AADAC: variants seen among roughly 807,000 people sequenced by gnomAD.
The protein encoded by AADAC is arylacetamide deacetylase (esterase).
Under a neutral mutation model 22.7 loss-of-function variants are expected in AADAC, and 17 were observed. That is an observed-to-expected ratio of 0.75 (90% CI 0.51 to 1.12). The LOEUF is 1.12. AADAC is among the 50% of genes most tolerant of loss of function. AADAC has a pLI of 0.00. For synonymous variants in AADAC, 167 were observed against 176.3 expected (o/e 0.95, Z 0.42); for missense variants, 465 against 473.9 (o/e 0.98, Z 0.17).
intron 3 of AADAC, among the ~76,000 whole-genome samples, chr3:151,823,291 A>G (rs1716332127): frequency 1.3e-5 from 2 of 152,028 alleles, no homozygotes; most frequent in Admixed American, 6.6e-5. Context: ...GCAAAAAAAA[A>G]AAATTAAGAA....
intron 2 of AADAC, among the ~76,000 whole-genome samples, chr3:151,819,969 G>A (rs1157791926): frequency 6.6e-6 from 1 of 151,980 alleles, no homozygotes; most frequent in African/African-American, 2.4e-5. Context: ...CAACAATTCT[G>A]TCTATATCTC....
chr3:151,817,587 T>A lies in AADAC; in HGVS notation c.360T>A (p.Ala120=). 1 of 1,612,570 alleles carries A rather than the reference T, an allele frequency of 6.2e-7. No homozygotes were observed. The highest frequency in any genetic ancestry group is 8.5e-7 in the Non-Finnish European group (1 of 1,178,852). The change falls in exon 2 of 5, where the codon GCT becomes GCA. Residue 120 remains alanine, a splice_region_variant and synonymous_variant. Coordinates refer to ENST00000232892, the MANE Select transcript of AADAC (RefSeq NM_001086.3). ...IHGGGWCVGS[A]ALSGYDLLSR... ...GTGGAGGCTGGTGCGTGGGAAGTGCTGGTAAGTGAATGCTTTGAAAAATCT... is the reference window on the plus strand; with the variant it reads ...GTGGAGGCTGGTGCGTGGGAAGTGCAGGTAAGTGAATGCTTTGAAAAATCT...
chr3:151,820,057 CAG>C (rs1354829846), intron 2 of AADAC, among the ~76,000 whole-genome samples: 2 of 152,000 alleles, frequency 1.3e-5, no homozygotes, highest in African/African-American at 4.8e-5. Flanking sequence ...TCATCTAAAA[CAG>C]AGCCAAATCA....
rs925601026 is a variant in AADAC, at chr3:151,820,391, G to A, written c.370G>A (p.Gly124Ser). 2.5e-6 allele frequency: 4 copies of A among 1,582,824 alleles called. No homozygotes were observed. The highest frequency in any genetic ancestry group is 3.4e-6 in the Non-Finnish European group (4 of 1,161,808). The change falls in exon 3 of 5, where the codon GGT (glycine) becomes AGT (serine). Residue 124 changes from glycine (G) to serine (S), a missense_variant. By Grantham distance (56) the Gly-to-Ser change is moderately conservative. Coordinates refer to ENST00000232892, the MANE Select transcript of AADAC (RefSeq NM_001086.3). ...GWCVGSAALS[G>S]YDLLSRWTAD... ...TTATCCTTTTATTTCAGCTCTAAGT[G>A]GTTATGACTTGCTGTCAAGATGGAC...
chr3:151,814,195 G>A lies in AADAC; in HGVS notation c.33G>A (p.Val11=). 1 of 1,613,346 alleles carries A rather than the reference G, an allele frequency of 6.2e-7. No homozygotes were observed. Among genetic ancestry groups the A allele is most frequent in the South Asian group, 1.1e-5 (1 of 91,070 alleles). Residue 11 remains valine (V), a synonymous_variant, in exon 1 of 5, where the codon GTG becomes GTA. Coordinates refer to ENST00000232892, the MANE Select transcript of AADAC (RefSeq NM_001086.3). ...GAAAATCGCTGTACCTTCTGATTGT[G>A]GGGATCCTCATAGCATATTATATTT... MGRKSLYLLI[V]GILIAYYIYT...
rs574846799 is a variant in AADAC at position 151,826,172 on chromosome 3, T to C, written c.603+1338T>C. Among the ~76,000 whole-genome samples, 8 of 152,142 alleles carry C rather than the reference T, an allele frequency of 5.3e-5. No individual in the cohort carries two copies. The East Asian group carries it at 1.3e-3, about 26-fold the overall frequency. ...TATTCTCAAAAGTAAAGAATCATAGTTGCACTTTGTTTCAACCACAATATA... is the reference window on the plus strand; with the variant it reads ...TATTCTCAAAAGTAAAGAATCATAGCTGCACTTTGTTTCAACCACAATATA... On this transcript the variant is annotated intron_variant, in intron 4 of 4. Transcript: ENST00000232892.
intron 4 of AADAC, 143 bp from the exon 5 acceptor site, chr3:151,827,433 G>A: frequency 2.0e-6 from 1 of 498,334 alleles, no homozygotes; most frequent in Non-Finnish European, 3.3e-6. Context: ...GTGGTGGTAT[G>A]TTTCATTTAT....
intron 4 of AADAC, among the ~76,000 whole-genome samples, chr3:151,827,344 A>G (rs893579963): frequency 6.6e-6 from 1 of 152,020 alleles, no homozygotes; most frequent in Admixed American, 6.6e-5. Context: ...AGCATATATG[A>G]CAGATGATTT....
At position 151,827,064 on chromosome 3, in the gene AADAC, G is replaced by GTCATTGAA. The variant is rs1716526205; in HGVS notation, c.604-511_604-510insCATTGAAT. 2.6e-5 allele frequency among the ~76,000 whole-genome samples: 4 copies of GTCATTGAA among 151,862 alleles called. No individual in the cohort carries two copies. In the South Asian group the frequency reaches 8.3e-4, roughly 32 times the overall value. On this transcript the variant is annotated intron_variant, in intron 4 of 4. Coordinates refer to ENST00000232892, the MANE Select transcript of AADAC (RefSeq NM_001086.3). ...TGAGTAGCTTCAATGACAGGTGTGC[G>GTCATTGAA]TTACCATACCTGGCTAATTTTTGTA...
chr3:151,816,885 A>G (rs545002724), intron 1 of AADAC, among the ~76,000 whole-genome samples: 1 of 152,076 alleles, frequency 6.6e-6, no homozygotes, highest in South Asian at 2.1e-4. Context: ...GTCTTGTTAT[A>G]TAGATGGATC....
chr3:151,819,450 T>G (rs115180336), intron 2 of AADAC, among the ~76,000 whole-genome samples: 9,761 of 151,680 alleles, frequency 0.064, 506 homozygotes, highest in Non-Finnish European at 0.093. Flanking sequence ...AAGCAAAAAG[T>G]GAGAGGGAAG....
chr3:151,819,576 G>A (rs3772440), intron 2 of AADAC, among the ~76,000 whole-genome samples: 90,481 of 151,184 alleles, frequency 0.6, 27,520 homozygotes, highest in Non-Finnish European at 0.64. Flanking sequence ...TTTTATTTTT[G>A]TGCAGGAGAA....
At position 151,826,493 on chromosome 3, in the gene AADAC, A is replaced by G. The variant is rs531308085; in HGVS notation, c.604-1083A>G. 7.2e-4 allele frequency among the ~76,000 whole-genome samples: 109 copies of G among 152,096 alleles called. 3 individuals are homozygous for G. The highest frequency in any genetic ancestry group is 2.5e-3 in the African/African-American group (103 of 41,558). Reference sequence around the variant, plus strand: ...CACAATGGTCTATTTTGATAATTATAGTTAAAATGTGGATAAATACTACAA... The same window carrying G: ...CACAATGGTCTATTTTGATAATTATGGTTAAAATGTGGATAAATACTACAA... On this transcript the variant is annotated intron_variant, in intron 4 of 4. Coordinates refer to ENST00000232892, the MANE Select transcript of AADAC (RefSeq NM_001086.3).
chr3:151,820,581 G>C (rs1716206926), intron 3 of AADAC, 129 bp downstream of exon 3: 1 of 478,842 alleles, frequency 2.1e-6, no homozygotes, highest in South Asian at 5.3e-5. Flanking sequence ...GCAGTGGCAG[G>C]ATCTCGGCTC....
At chr3:151,817,993 C>G (rs1466687827) in intron 2 of AADAC, among the ~76,000 whole-genome samples, 2 of 151,968 alleles carry the variant, frequency 1.3e-5, no homozygotes, top group Non-Finnish European at 2.9e-5. Flanking sequence ...AATCCCAGCA[C>G]TTTGGGAGGC....
Position 151,827,759 on chromosome 3 carries a change from G to C in AADAC, c.787G>C (p.Ala263Pro). 3.1e-6 allele frequency: 5 copies of C among 1,613,138 alleles called. No homozygotes were observed. Among genetic ancestry groups the C allele is most frequent in the Non-Finnish European group, 3.4e-6 (4 of 1,179,492 alleles). Residue 263 changes from alanine (A) to proline (P), a missense_variant, in exon 5 of 5, where the codon GCC becomes CCC. Physicochemically the swap from Ala to Pro is conservative, Grantham distance 27. Coordinates refer to ENST00000232892, the MANE Select transcript of AADAC (RefSeq NM_001086.3). ...YFTTDRSLEK[A>P]MLSRQHVPVE... ...TACCACTGATAGATCACTTGAAAAAGCCATGCTTTCCAGACAACATGTACC... is the reference window on the plus strand; with the variant it reads ...TACCACTGATAGATCACTTGAAAAACCCATGCTTTCCAGACAACATGTACC...
rs200303895 is a variant in AADAC, at chr3:151,820,465, C to T, written c.431+13C>T. On this transcript the variant is annotated intron_variant, in intron 3 of 4. Transcript: ENST00000232892. ...TCGTATCAACCAAGTAAGAGCTGTG[C>T]TGTTTGGTTTCCTGGCCAGATGTCT... 100 of 1,506,188 alleles carry T rather than the reference C, an allele frequency of 6.6e-5. 2 individuals are homozygous for T. Among genetic ancestry groups the T allele is most frequent in the Non-Finnish European group, 9.0e-6 (10 of 1,115,504 alleles). 93.3% of individuals were successfully genotyped at this position (1,506,188 alleles called of 1,614,324 possible).
intron 4 of AADAC, among the ~76,000 whole-genome samples, 181 bp from the exon 5 acceptor site, chr3:151,827,395 A>T (rs938610874): frequency 1.3e-5 from 2 of 151,896 alleles, no homozygotes; most frequent in African/African-American, 4.8e-5. Context: ...AGTTCTAGAA[A>T]CCCATTTTGA....
At chr3:151,819,303 A>G (rs1203272633) in intron 2 of AADAC, among the ~76,000 whole-genome samples, 1 of 152,008 alleles carries the variant, frequency 6.6e-6, no homozygotes, top group Non-Finnish European at 1.5e-5. Context: ...AGGAAATAAT[A>G]GAAGTCCTGC....
Sources: allele counts gnomAD v4.1 joint callset (sites outside exome capture counted in the v4.1 genomes callset), GRCh38; gene constraint gnomAD v4.1.1; transcripts MANE v1.5; gene names NCBI Gene and HGNC (gene_info 2026-07-23, HGNC 2026-07-21).